The following PDE11A variants were observed in gnomAD, a reference collection of about 807,000 sequenced individuals.
PDE11A encodes the protein dual 3',5'-cyclic-AMP and -GMP phosphodiesterase 11A.
A neutral mutation model predicts 100.5 loss-of-function variants in PDE11A; 100 were observed. The observed-to-expected ratio is 1.00, with a 90% CI of 0.85 to 1.18. PDE11A has a LOEUF of 1.18. Among genes scored for constraint, PDE11A ranks in the 50% most tolerant of loss-of-function variants. PDE11A has a pLI of 0.00. For synonymous variants in PDE11A, 381 were observed against 420.8 expected, an observed-to-expected ratio of 0.91 and a Z score of 1.16; for missense variants, 1,141 against 1,152.6, an observed-to-expected ratio of 0.99 and a Z score of 0.15.
chr2:178,104,301 C>A lies in PDE11A; in HGVS notation c.162+1G>T. The A allele has an allele frequency of 2.5e-6, 4 of 1,613,460 alleles. No homozygotes were observed. The highest frequency in any genetic ancestry group is 3.4e-6 in the Non-Finnish European group (4 of 1,179,488). On this transcript the variant is annotated splice_donor_variant, in intron 2 of 20. Transcript: ENST00000358450. LOFTEE classifies it high-confidence loss of function. ...TCTCTCCCACAACTGCTAGTTTTTA[C>A]CTTTGTTTTTGTTTGCCTCTGTATA...
intron 2 of PDE11A, among the ~76,000 whole-genome samples, chr2:177,991,290 C>T (rs2086000961): frequency 6.7e-6 from 1 of 149,894 alleles, no homozygotes; most frequent in South Asian, 2.2e-4. Context: ...AAGATTGTGC[C>T]ACTGTACTCC....
At chr2:177,711,175 TA>T in intron 13 of PDE11A, among the ~76,000 whole-genome samples, 1 of 152,236 alleles carries the variant, frequency 6.6e-6, no homozygotes, top group East Asian at 1.9e-4. Flanking sequence ...TTATTCTATC[TA>T]TACACATCAT....
At chr2:177,802,626 A>G (rs2082810345) in intron 9 of PDE11A, among the ~76,000 whole-genome samples, 1 of 152,094 alleles carries the variant, frequency 6.6e-6, no homozygotes, top group Non-Finnish European at 1.5e-5. Flanking sequence ...CTGAATTTAC[A>G]TGAAATTCTA....
intron 5 of PDE11A, among the ~76,000 whole-genome samples, chr2:177,854,943 GA>G (rs1162666022): frequency 2.0e-5 from 3 of 152,112 alleles, no homozygotes; most frequent in Non-Finnish European, 4.4e-5. Context: ...TAGTCAAAAA[GA>G]AAGTCCTTGT....
intron 14 of PDE11A, among the ~76,000 whole-genome samples, chr2:177,700,301 T>C (rs1415353095): frequency 6.6e-6 from 1 of 151,828 alleles, no homozygotes; most frequent in Non-Finnish European, 1.5e-5. Flanking sequence ...ATGATGCTAT[T>C]CTAGTGAAGC....
At chr2:177,727,617 C>A (rs768399159) in intron 12 of PDE11A, 41 bp downstream of exon 12, 2 of 1,153,326 alleles carry the variant, frequency 1.7e-6, no homozygotes, top group Non-Finnish European at 2.6e-6. Flanking sequence ...CCAGTTCCTA[C>A]GAATGAGAAA....
intron 8 of PDE11A, among the ~76,000 whole-genome samples, chr2:177,817,477 G>T (rs1417046609): frequency 6.6e-6 from 1 of 152,146 alleles, no homozygotes; most frequent in African/African-American, 2.4e-5. Context: ...CAGCTAGAGC[G>T]CCTGGAGTGA....
chr2:177,914,000 A>G (rs1200142223), intron 2 of PDE11A, among the ~76,000 whole-genome samples: 1 of 152,168 alleles, frequency 6.6e-6, no homozygotes. Flanking sequence ...AACAGTAATC[A>G]GAGGATTCAT....
intron 1 of PDE11A, among the ~76,000 whole-genome samples, chr2:178,057,752 G>A (rs1488485313): frequency 6.6e-6 from 1 of 152,144 alleles, no homozygotes; most frequent in East Asian, 1.9e-4. Context: ...TCACAGCCTG[G>A]AGCATGATAG....
In PDE11A at chr2:178,013,933, G is replaced by C. The variant is rs1043231417; in HGVS notation, c.1071+369C>G. 3.9e-5 allele frequency among the ~76,000 whole-genome samples: 6 copies of C among 152,192 alleles called. No homozygotes were observed. The South Asian group carries it at 8.3e-4, about 21-fold the overall frequency. ...TTGTTGTAGTTATAAAAATATAGGA[G>C]AAAGTGCTGAGTTTCTGAAACACAG... On this transcript the variant is annotated intron_variant, in intron 2 of 19. Transcript: ENST00000286063.
At chr2:178,106,957 CAAAAAAAAAAAA>C (rs575714643) in intron 1 of PDE11A, among the ~76,000 whole-genome samples, 2 of 61,148 alleles carry the variant, frequency 3.3e-5, no homozygotes, top group Non-Finnish European at 6.6e-5. Context: ...AAGACTCTCT[CAAAAAAAAAAAA>C]AAAAAAAAGG....
intron 5 of PDE11A, among the ~76,000 whole-genome samples, chr2:177,840,916 CATT>C (rs2083481679): frequency 6.6e-6 from 1 of 152,180 alleles, no homozygotes; most frequent in Non-Finnish European, 1.5e-5. Context: ...ATTTTGATAA[CATT>C]AATATTTTAA....
At chr2:177,747,082 AAGT>A (rs2081958789) in intron 10 of PDE11A, among the ~76,000 whole-genome samples, 1 of 152,156 alleles carries the variant, frequency 6.6e-6, no homozygotes, top group African/African-American at 2.4e-5. Context: ...TAGAGGCCAG[AAGT>A]AGGAGTGTTC....
At chr2:177,670,275 G>T (rs1011273105) in intron 17 of PDE11A, among the ~76,000 whole-genome samples, 1 of 152,126 alleles carries the variant, frequency 6.6e-6, no homozygotes, top group African/African-American at 2.4e-5. Context: ...CAAGGACAAT[G>T]GGATGCTTGT....
At chr2:177,940,487 G>T (rs550569594) in intron 2 of PDE11A, among the ~76,000 whole-genome samples, 1 of 152,080 alleles carries the variant, frequency 6.6e-6, no homozygotes, top group Admixed American at 6.5e-5. Context: ...TAAGAAGGTA[G>T]GATTTCAGCA....
At chr2:177,726,333 C>T (rs1242681271) in intron 12 of PDE11A, among the ~76,000 whole-genome samples, 1 of 152,122 alleles carries the variant, frequency 6.6e-6, no homozygotes, top group Non-Finnish European at 1.5e-5. Context: ...GTCAATTCAA[C>T]ATACATTTTT....
At chr2:178,082,601 C>A (rs1215400955) in intron 2 of PDE11A, among the ~76,000 whole-genome samples, 2 of 152,158 alleles carry the variant, frequency 1.3e-5, no homozygotes, top group African/African-American at 4.8e-5. Flanking sequence ...ATTCAATCAG[C>A]TATAGGAGGA....
intron 15 of PDE11A, chr2:177,686,741 T>C (rs1202136815): frequency 2.8e-5 from 4 of 145,138 alleles, no homozygotes; most frequent in Non-Finnish European, 4.5e-5. Context: ...TGGAGTTTCA[T>C]TCTTGTTGCC....
At chr2:178,048,528 A>T (rs1395184464) in intron 1 of PDE11A, among the ~76,000 whole-genome samples, 1 of 152,100 alleles carries the variant, frequency 6.6e-6, no homozygotes, top group Non-Finnish European at 1.5e-5. Flanking sequence ...AGGGTGAGTT[A>T]TCTGATGAGG....
Sources: gnomAD v4.1 joint callset for allele counts (sites outside exome capture counted in the v4.1 genomes callset) on GRCh38, gnomAD v4.1.1 for gene constraint, MANE v1.5 for transcripts, NCBI Gene and HGNC (gene_info 2026-07-23, HGNC 2026-07-21) for gene names.